SPOCK1: variants seen among roughly 807,000 people sequenced by gnomAD.
SPOCK1 encodes the protein testican-1.
SPOCK1 carries 23 observed loss-of-function variants against 55.3 expected under a neutral mutation model. The observed-to-expected ratio is 0.42, with a 90% CI of 0.30 to 0.59. SPOCK1 has a LOEUF of 0.59. Among genes scored for constraint, SPOCK1 ranks in the 20% least tolerant of loss-of-function variants. The pLI, the probability that SPOCK1 is intolerant of heterozygous loss-of-function variation, is 0.22. For synonymous variants in SPOCK1, 226 were observed against 221.0 expected (o/e 1.02, Z -0.20); for missense variants, 499 against 552.5 (o/e 0.90, Z 0.97).
At chr5:137,454,531 A>G (rs1580936392) in intron 2 of SPOCK1, among the ~76,000 whole-genome samples, 1 of 152,210 alleles carries the variant, frequency 6.6e-6, no homozygotes, top group East Asian at 1.9e-4. Flanking sequence ...AGGGGGGAAC[A>G]ATGAGATATA....
chr5:137,442,906 C>A (rs999482189), intron 2 of SPOCK1, among the ~76,000 whole-genome samples: 4 of 152,198 alleles, frequency 2.6e-5, no homozygotes, highest in Non-Finnish European at 5.9e-5. Flanking sequence ...GTCATGTGAC[C>A]TGCTCAGTGG....
At position 137,420,563 on chromosome 5, in the gene SPOCK1, A is replaced by C. The variant is rs140613214; in HGVS notation, c.186+77810T>G. 2.6e-5 allele frequency among the ~76,000 whole-genome samples: 4 copies of C among 152,310 alleles called. No individual in the cohort carries two copies. The East Asian group carries it at 7.7e-4, about 29-fold the overall frequency. On this transcript the variant is annotated intron_variant, in intron 2 of 10. Transcript: ENST00000394945. ...GTCTAGGAATTTATCCATTTCTTCT[A>C]AATTTTCTAGTTTATTTGCGTAGAG...
chr5:137,368,292 A>C (rs1034248566), intron 2 of SPOCK1, among the ~76,000 whole-genome samples: 4 of 152,208 alleles, frequency 2.6e-5, no homozygotes, highest in African/African-American at 9.6e-5. Flanking sequence ...CAAGTGGACA[A>C]AAGACATGGG....
intron 8 of SPOCK1, among the ~76,000 whole-genome samples, chr5:136,987,343 C>T (rs757241010): frequency 6.6e-6 from 1 of 152,044 alleles, no homozygotes; most frequent in South Asian, 2.1e-4. Flanking sequence ...AACAAACACA[C>T]AAGAACCTGA....
At chr5:137,296,375 T>C (rs953690868) in intron 2 of SPOCK1, among the ~76,000 whole-genome samples, 1 of 152,136 alleles carries the variant, frequency 6.6e-6, no homozygotes, top group South Asian at 2.1e-4. Flanking sequence ...AGGACTCAGG[T>C]TGCATTAAAG....
chr5:137,053,370 C>G (rs1003596885), intron 6 of SPOCK1, among the ~76,000 whole-genome samples: 1 of 152,094 alleles, frequency 6.6e-6, no homozygotes, highest in Admixed American at 6.5e-5. Flanking sequence ...CTGAGGCCAT[C>G]TCTGGTCTCC....
chr5:137,336,568 G>A (rs1161673186), intron 2 of SPOCK1, among the ~76,000 whole-genome samples: 2 of 152,204 alleles, frequency 1.3e-5, no homozygotes, highest in Non-Finnish European at 2.9e-5. Flanking sequence ...AGAAAGCAGA[G>A]AACAGAGAGA....
At position 136,985,210 on chromosome 5, in the gene SPOCK1, A is replaced by T. The variant is rs1305464010; in HGVS notation, c.929-8T>A. The T allele has an allele frequency of 6.2e-7, 1 of 1,614,024 alleles. No individual in the cohort carries two copies. On this transcript the variant is annotated splice_polypyrimidine_tract_variant and splice_region_variant and intron_variant, in intron 8 of 10. Coordinates refer to ENST00000394945, the MANE Select transcript of SPOCK1 (RefSeq NM_004598.4). ...CATTCTGGCAAGGGAGACCTAAAAAATAATTTCTGAAAGTCAGCTTCCAGA... is the reference window on the plus strand; with the variant it reads ...CATTCTGGCAAGGGAGACCTAAAAATTAATTTCTGAAAGTCAGCTTCCAGA...
At chr5:137,411,839 A>G (rs538620747) in intron 2 of SPOCK1, among the ~76,000 whole-genome samples, 2 of 152,346 alleles carry the variant, frequency 1.3e-5, no homozygotes, top group African/African-American at 4.8e-5. Flanking sequence ...ACTTCATCCC[A>G]TAGCTTCAAC....
chr5:137,482,582 C>T (rs1006131179), intron 2 of SPOCK1, among the ~76,000 whole-genome samples: 9 of 152,118 alleles, frequency 5.9e-5, no homozygotes, highest in Admixed American at 3.3e-4. Flanking sequence ...ACCGACCAAA[C>T]GGGAACCAGG....
intron 2 of SPOCK1, among the ~76,000 whole-genome samples, chr5:137,336,668 T>A (rs1034606046): frequency 6.6e-6 from 1 of 152,144 alleles, no homozygotes; most frequent in Non-Finnish European, 1.5e-5. Context: ...CTGCACAAAC[T>A]ACCCTCTCTG....
intron 2 of SPOCK1, among the ~76,000 whole-genome samples, chr5:137,413,947 C>T (rs975522432): frequency 3.9e-5 from 6 of 152,142 alleles, no homozygotes; most frequent in Non-Finnish European, 5.9e-5. Flanking sequence ...TACCCTCCCT[C>T]CACCCACCTG....
intron 2 of SPOCK1, among the ~76,000 whole-genome samples, chr5:137,413,200 C>A (rs766943094): frequency 7.2e-5 from 11 of 152,208 alleles, no homozygotes; most frequent in Non-Finnish European, 1.6e-4. Flanking sequence ...AAGAGCTATA[C>A]TTTGCTTCTC....
intron 5 of SPOCK1, among the ~76,000 whole-genome samples, chr5:137,084,721 C>CA (rs1337350587): frequency 3.3e-5 from 5 of 151,772 alleles, no homozygotes; most frequent in Non-Finnish European, 7.4e-5. Flanking sequence ...ACCCAAAAAA[C>CA]AAAAAACAGA....
At chr5:137,383,067 C>T (rs959538867) in intron 2 of SPOCK1, among the ~76,000 whole-genome samples, 3 of 152,132 alleles carry the variant, frequency 2.0e-5, no homozygotes, top group East Asian at 3.9e-4. Flanking sequence ...AAGGGCGTGG[C>T]CTTTGGAGTC....
At chr5:137,462,371 C>T (rs1753507344) in intron 2 of SPOCK1, among the ~76,000 whole-genome samples, 1 of 152,180 alleles carries the variant, frequency 6.6e-6, no homozygotes. Context: ...CAAAGTTTCA[C>T]TGCAGCTGGA....
chr5:136,978,797 C>T lies in SPOCK1; in HGVS notation c.1177G>A (p.Val393Ile). 6.2e-7 allele frequency: 1 copy of T among 1,613,752 alleles called. No individual in the cohort carries two copies. The highest frequency in any genetic ancestry group is 1.3e-5 in the African/African-American group (1 of 75,034). ...TCATATTCTAGGTCATCCAGCAGGA[C>T]CACGGACCCACCACTGCCAAAATCC... ...SGDFGSGGSV[V>I]LLDDLEYERE... The change falls in exon 11 of 11, where the codon GTC (valine) becomes ATC (isoleucine). Residue 393 changes from valine to isoleucine, a missense_variant. Val to Ile is a conservative substitution (Grantham distance 29, BLOSUM62 3). This residue lies in a region of SPOCK1 where 83 missense variants were observed against 87.5 expected (regional missense o/e 0.95). Transcript: ENST00000394945.
At chr5:137,265,276 G>A (rs527651472) in intron 3 of SPOCK1, among the ~76,000 whole-genome samples, 12 of 152,274 alleles carry the variant, frequency 7.9e-5, no homozygotes, top group African/African-American at 2.2e-4. Context: ...GTCTTCCCTC[G>A]GGAGAGTGTA....
intron 3 of SPOCK1, among the ~76,000 whole-genome samples, chr5:137,238,270 C>A (rs1413176213): frequency 6.6e-6 from 1 of 152,146 alleles, no homozygotes; most frequent in Non-Finnish European, 1.5e-5. Flanking sequence ...GCATAATATG[C>A]CTCCCCAAAG....
Sources: allele counts gnomAD v4.1 joint callset (sites outside exome capture counted in the v4.1 genomes callset), GRCh38; gene constraint gnomAD v4.1.1; regional missense constraint gnomAD v4.1.1; transcripts MANE v1.5; gene names NCBI Gene and HGNC (gene_info 2026-07-23, HGNC 2026-07-21).